Variants in SLCO1B1 observed in about 807,000 individuals in gnomAD.
SLCO1B1 encodes solute carrier organic anion transporter family member 1B1.
Under a neutral mutation model 70.1 loss-of-function variants are expected in SLCO1B1, and 81 were observed. That is an observed-to-expected ratio of 1.16 (90% CI 0.97 to 1.39). The LOEUF is 1.39. Among genes scored for constraint, SLCO1B1 ranks in the 40% most tolerant of loss-of-function variants. SLCO1B1 has a pLI of 0.00. For missense variants in SLCO1B1, 895 were observed against 799.6 expected (o/e 1.12, Z -1.44); for synonymous variants, 283 against 271.5 (o/e 1.04, Z -0.42).
intron 9 of SLCO1B1, among the ~76,000 whole-genome samples, chr12:21,201,566 A>G (rs1045674951): frequency 2.6e-5 from 4 of 152,242 alleles, no homozygotes; most frequent in Admixed American, 6.5e-5. Flanking sequence ...TTAATAAATG[A>G]CAAAGATATA....
chr12:21,165,332 G>A (rs547528103), intron 2 of SLCO1B1, among the ~76,000 whole-genome samples: 8 of 152,070 alleles, frequency 5.3e-5, no homozygotes, highest in Admixed American at 1.3e-4. Flanking sequence ...AGCTCAAACT[G>A]AGGATGAAAA....
intron 11 of SLCO1B1, among the ~76,000 whole-genome samples, chr12:21,216,006 C>T (rs1941353527): frequency 6.6e-6 from 1 of 152,104 alleles, no homozygotes; most frequent in Admixed American, 6.6e-5. Flanking sequence ...CCTCTTTGCA[C>T]ACTAGCGAAG....
chr12:21,162,393 T>A (rs937222516), intron 2 of SLCO1B1, among the ~76,000 whole-genome samples: 4 of 152,118 alleles, frequency 2.6e-5, no homozygotes, highest in South Asian at 4.1e-4. Context: ...CTTCAAAAAA[T>A]TTTTCAACTT....
chr12:21,209,522 T>C (rs1941254470), intron 11 of SLCO1B1, among the ~76,000 whole-genome samples: 1 of 152,184 alleles, frequency 6.6e-6, no homozygotes, highest in African/African-American at 2.4e-5. Context: ...TAAACATACG[T>C]GTGCATGTGT....
chr12:21,198,265 A>G (rs1375349886), intron 8 of SLCO1B1, among the ~76,000 whole-genome samples: 2 of 152,120 alleles, frequency 1.3e-5, no homozygotes, highest in Non-Finnish European at 2.9e-5. Flanking sequence ...GAAATTGTTC[A>G]TGGCAAGAGA....
At position 21,210,437 on chromosome 12, in the gene SLCO1B1, G is replaced by A. The variant is rs1241203788; in HGVS notation, c.1497+4404G>A. ...GATCTATATCTCTGTTTTGGTACCAGTACCATGCTGTTTTGGTTACTGTAG... is the reference window on the plus strand; with the variant it reads ...GATCTATATCTCTGTTTTGGTACCAATACCATGCTGTTTTGGTTACTGTAG... On this transcript the variant is annotated intron_variant, in intron 11 of 14. Coordinates refer to ENST00000256958, the MANE Select transcript of SLCO1B1 (RefSeq NM_006446.5). 1.8e-5 allele frequency among the ~76,000 whole-genome samples: 2 copies of A among 110,456 alleles called. 1 individual carries two copies. Among genetic ancestry groups the A allele is most frequent in the Non-Finnish European group, 3.7e-5 (2 of 53,948 alleles). 72.5% of individuals were successfully genotyped at this position (110,456 alleles called of 152,430 possible). A position where few individuals can be genotyped will look rare whatever the true frequency, so the allele number is the denominator to read the frequency against.
intron 14 of SLCO1B1, among the ~76,000 whole-genome samples, chr12:21,231,626 C>A (rs2121204310): frequency 6.6e-6 from 1 of 151,802 alleles, no homozygotes; most frequent in South Asian, 2.1e-4. Context: ...GCACAAAGGT[C>A]TTGTATATAG....
chr12:21,193,944 C>A (rs191026718), intron 7 of SLCO1B1, among the ~76,000 whole-genome samples: 4 of 152,122 alleles, frequency 2.6e-5, no homozygotes, highest in Non-Finnish European at 4.4e-5. Context: ...GTGCCCACCA[C>A]GATGCCTGGC....
intron 10 of SLCO1B1, 72 bp downstream of exon 10, chr12:21,202,758 T>A: frequency 8.2e-7 from 1 of 1,224,678 alleles, no homozygotes; most frequent in Non-Finnish European, 1.2e-6. Context: ...ATAAGTAATA[T>A]AAGGCAGAAA....
intron 2 of SLCO1B1, among the ~76,000 whole-genome samples, chr12:21,142,048 C>G (rs1940316557): frequency 7.0e-6 from 1 of 142,288 alleles, no homozygotes; most frequent in Non-Finnish European, 1.5e-5. Flanking sequence ...CTTTGTGATA[C>G]TGACTTATTT....
At chr12:21,196,712 C>A in intron 7 of SLCO1B1, among the ~76,000 whole-genome samples, 1 of 152,112 alleles carries the variant, frequency 6.6e-6, no homozygotes, top group Admixed American at 6.5e-5. Flanking sequence ...CCATCAAGTG[C>A]ACACAAGCTC....
chr12:21,229,301 G>T (rs913966869), intron 14 of SLCO1B1, among the ~76,000 whole-genome samples: 1 of 151,880 alleles, frequency 6.6e-6, no homozygotes, highest in African/African-American at 2.4e-5. Flanking sequence ...GTACTTTTAT[G>T]GGTTTGGACA....
intron 2 of SLCO1B1, among the ~76,000 whole-genome samples, chr12:21,162,162 T>C (rs890482926): frequency 1.3e-5 from 2 of 151,978 alleles, no homozygotes; most frequent in African/African-American, 4.8e-5. Flanking sequence ...TGTGTACTTA[T>C]TGATGTGCAT....
At chr12:21,137,618 G>T (rs529699666) in intron 1 of SLCO1B1, among the ~76,000 whole-genome samples, 1 of 152,276 alleles carries the variant, frequency 6.6e-6, no homozygotes, top group Non-Finnish European at 1.5e-5. Flanking sequence ...AGACTCTGTG[G>T]GCATAGGACC....
At chr12:21,227,522 G>A (rs1334242204) in intron 14 of SLCO1B1, among the ~76,000 whole-genome samples, 1 of 151,988 alleles carries the variant, frequency 6.6e-6, no homozygotes. Context: ...TTCCAGAATT[G>A]TACCCCACAG....
intron 11 of SLCO1B1, among the ~76,000 whole-genome samples, chr12:21,210,670 T>C (rs1015263745): frequency 3.3e-5 from 5 of 149,578 alleles, no homozygotes; most frequent in Non-Finnish European, 7.4e-5. Flanking sequence ...ATTTTCACGA[T>C]ATTGATTCTT....
chr12:21,228,068 CTTTAA>C (rs1257309107), intron 14 of SLCO1B1, among the ~76,000 whole-genome samples: 2 of 152,056 alleles, frequency 1.3e-5, no homozygotes, highest in East Asian at 1.9e-4. Context: ...TTCTTGTGTA[CTTTAA>C]TTTATGCTCA....
intron 1 of SLCO1B1, among the ~76,000 whole-genome samples, chr12:21,140,185 A>G (rs1217310260): frequency 3.9e-5 from 6 of 152,110 alleles, no homozygotes; most frequent in Non-Finnish European, 8.8e-5. Flanking sequence ...TGTTCCCAGC[A>G]ACTTTATAAA....
intron 14 of SLCO1B1, among the ~76,000 whole-genome samples, chr12:21,225,912 A>G (rs1941477306): frequency 6.6e-6 from 1 of 152,236 alleles, no homozygotes; most frequent in African/African-American, 2.4e-5. Context: ...TACCTAAGTT[A>G]GATGAAAACA....
Sources: gnomAD v4.1 joint callset for allele counts (sites outside exome capture counted in the v4.1 genomes callset) on GRCh38, gnomAD v4.1.1 for gene constraint, MANE v1.5 for transcripts, NCBI Gene and HGNC (gene_info 2026-07-23, HGNC 2026-07-21) for gene names.